The following LRRC7 variants were observed in gnomAD, a reference collection of about 807,000 sequenced individuals.
LRRC7 encodes the protein leucine-rich repeat-containing protein 7.
Under a neutral mutation model 175.7 loss-of-function variants are expected in LRRC7, and 23 were observed. The observed-to-expected ratio is 0.13, with a 90% CI of 0.09 to 0.19. LRRC7 has a LOEUF of 0.19. Among genes scored for constraint, LRRC7 ranks in the 10% least tolerant of loss-of-function variants. The pLI, the probability that LRRC7 is intolerant of heterozygous loss-of-function variation, is 1.00. For synonymous variants in LRRC7, 685 were observed against 680.9 expected (o/e 1.01, Z -0.09); for missense variants, 1,354 against 1,904.7 (o/e 0.71, Z 5.38).
chr1:70,092,116 C>A (rs1416543721), intron 25 of LRRC7, among the ~76,000 whole-genome samples: 1 of 152,078 alleles, frequency 6.6e-6, no homozygotes, highest in Admixed American at 6.6e-5. Flanking sequence ...TGTTTTTTAG[C>A]CCTAGTGCCC....
chr1:70,009,355 C>CTT (rs11286744), intron 11 of LRRC7, among the ~76,000 whole-genome samples: 2,766 of 132,598 alleles, frequency 0.021, 96 homozygotes, highest in African/African-American at 0.073. Flanking sequence ...TTCTTTCTTT[C>CTT]TTTTTTTTTT....
intron 1 of LRRC7, among the ~76,000 whole-genome samples, chr1:69,579,824 G>T (rs12135554): frequency 0.083 from 11,307 of 136,270 alleles, 539 homozygotes; most frequent in Middle Eastern, 0.13. Flanking sequence ...GGTAGAGCCA[G>T]CATCTTCCCA....
In LRRC7 at chr1:70,013,044, T is replaced by C. The variant is rs1441216804; in HGVS notation, c.1205T>C (p.Ile402Thr). 3 of 1,586,950 alleles carry C rather than the reference T, an allele frequency of 1.9e-6. No homozygotes were observed. Among genetic ancestry groups the C allele is most frequent in the African/African-American group, 2.7e-5 (2 of 73,674 alleles). Residue 402 changes from isoleucine (I) to threonine (T), a missense_variant, in exon 13 of 27, where the codon ATT (isoleucine) becomes ACT (threonine). Coordinates refer to ENST00000651989, the MANE Select transcript of LRRC7 (RefSeq NM_001370785.2). ...AAATTAGAATTTCTTCCTGAAGAGA[T>C]TGGACAGATGCAGAAACTAAGAGTC... ...SNKLEFLPEE[I>T]GQMQKLRVLN...
In LRRC7 at chr1:70,129,253, A is replaced by C. The variant is rs1024777284; in HGVS notation, c.*7366A>C. On this transcript the variant is annotated 3_prime_UTR_variant, in exon 27 of 27. Transcript: ENST00000651989. ...CAGAGTGAGACTCCATCTTAAAAAA[A>C]AAAAAAAAAGTGTCACGAAAAGTGT... Among the ~76,000 whole-genome samples, 4 of 152,024 alleles carry C rather than the reference A, an allele frequency of 2.6e-5. No homozygotes were observed. The highest frequency in any genetic ancestry group is 7.3e-5 in the African/African-American group (3 of 41,344).
At chr1:69,700,380 T>C (rs1377507663) in intron 2 of LRRC7, among the ~76,000 whole-genome samples, 1 of 152,216 alleles carries the variant, frequency 6.6e-6, no homozygotes, top group Non-Finnish European at 1.5e-5. Flanking sequence ...CTATGTGCTA[T>C]TAGTATTCCT....
chr1:69,878,267 C>T, intron 7 of LRRC7, among the ~76,000 whole-genome samples: 1 of 130,356 alleles, frequency 7.7e-6, no homozygotes, highest in Non-Finnish European at 1.7e-5. Context: ...CCAAAGAATC[C>T]TTATCTTAGA....
intron 8 of LRRC7, among the ~76,000 whole-genome samples, chr1:69,970,143 A>G (rs943032945): frequency 1.3e-5 from 2 of 152,158 alleles, no homozygotes; most frequent in African/African-American, 4.8e-5. Context: ...TGCTAAGAGG[A>G]AAGTTCATAC....
intron 1 of LRRC7, among the ~76,000 whole-genome samples, chr1:69,645,016 A>C (rs1654801390): frequency 6.6e-6 from 1 of 152,104 alleles, no homozygotes; most frequent in South Asian, 2.1e-4. Flanking sequence ...AGCTAATGTC[A>C]GACTTAATTA....
At chr1:69,751,131 A>G (rs1669806353) in intron 2 of LRRC7, among the ~76,000 whole-genome samples, 1 of 152,162 alleles carries the variant, frequency 6.6e-6, no homozygotes, top group Non-Finnish European at 1.5e-5. Flanking sequence ...TCAATATGTA[A>G]AAAGGATAAA....
chr1:69,930,447 G>A (rs1647261168), intron 7 of LRRC7, among the ~76,000 whole-genome samples: 1 of 152,134 alleles, frequency 6.6e-6, no homozygotes, highest in South Asian at 2.1e-4. Context: ...AAGAATTCCT[G>A]TATAGGCAGG....
chr1:70,020,429 T>C (rs188376468), intron 15 of LRRC7, among the ~76,000 whole-genome samples: 259 of 152,142 alleles, frequency 1.7e-3, no homozygotes, highest in African/African-American at 5.4e-3. Flanking sequence ...GCTCCCCTCA[T>C]TGACCCCACA....
chr1:69,837,024 G>C (rs1424707870), intron 6 of LRRC7, among the ~76,000 whole-genome samples: 1 of 151,814 alleles, frequency 6.6e-6, no homozygotes, highest in Admixed American at 6.6e-5. Flanking sequence ...TTCTAAAGTA[G>C]CTTCATCTGA....
At chr1:69,571,801 G>A (rs556172455) in intron 1 of LRRC7, among the ~76,000 whole-genome samples, 128 of 152,170 alleles carry the variant, frequency 8.4e-4, no homozygotes, top group Non-Finnish European at 1.4e-3. Flanking sequence ...CCGACTACAC[G>A]AAGAGTAACC....
intron 4 of LRRC7, among the ~76,000 whole-genome samples, chr1:69,795,923 T>G (rs28631265): frequency 7.9e-5 from 12 of 151,462 alleles, no homozygotes; most frequent in East Asian, 1.9e-4. Flanking sequence ...TTTTTTTTTG[T>G]TTTTTTCTTA....
intron 8 of LRRC7, among the ~76,000 whole-genome samples, chr1:69,942,477 T>C (rs929759695): frequency 1.3e-5 from 2 of 152,062 alleles, no homozygotes; most frequent in Admixed American, 6.6e-5. Context: ...AATACAAAAT[T>C]ATTATCTTAC....
chr1:70,011,164 A>T, intron 11 of LRRC7, among the ~76,000 whole-genome samples: 1 of 152,200 alleles, frequency 6.6e-6, no homozygotes, highest in African/African-American at 2.4e-5. Context: ...GCACCTGCTA[A>T]GAGGCAGGAT....
chr1:69,877,417 C>A (rs184749944), intron 7 of LRRC7, among the ~76,000 whole-genome samples: 170 of 152,230 alleles, frequency 1.1e-3, no homozygotes, highest in Non-Finnish European at 2.0e-3. Flanking sequence ...CACACCACTG[C>A]ACTCCAGCCT....
At chr1:69,790,075 A>G (rs1369088735) in intron 3 of LRRC7, among the ~76,000 whole-genome samples, 7 of 152,062 alleles carry the variant, frequency 4.6e-5, no homozygotes, top group Admixed American at 1.3e-4. Context: ...AATATCAAAG[A>G]TGTTAATATG....
chr1:70,086,332 TAAGA>T (rs1411888645), intron 24 of LRRC7, among the ~76,000 whole-genome samples: 2 of 152,024 alleles, frequency 1.3e-5, no homozygotes, highest in Non-Finnish European at 2.9e-5. Flanking sequence ...CTTTCCAAAA[TAAGA>T]CCCAGTATTG....
Sources: allele counts gnomAD v4.1 joint callset (sites outside exome capture counted in the v4.1 genomes callset), GRCh38; gene constraint gnomAD v4.1.1; transcripts MANE v1.5; gene names NCBI Gene and HGNC (gene_info 2026-07-23, HGNC 2026-07-21).